Variants in RAE1 observed in about 807,000 individuals in gnomAD.
RAE1 encodes the protein ribonucleic acid export 1.
A neutral mutation model predicts 52.7 loss-of-function variants in RAE1; 13 were observed. The observed-to-expected ratio is 0.25, with a 90% CI of 0.16 to 0.39. The LOEUF is 0.39. Ranked by LOEUF, RAE1 falls within the 10% of genes least tolerant of loss-of-function variation. The pLI, the probability that RAE1 is intolerant of heterozygous loss-of-function variation, is 1.00. For synonymous variants in RAE1, 164 were observed against 153.1 expected (o/e 1.07, Z -0.52); for missense variants, 262 against 459.8 (o/e 0.57, Z 3.93).
intron 1 of RAE1, among the ~76,000 whole-genome samples, chr20:57,353,739 C>A (rs959108983): frequency 7.2e-5 from 11 of 152,180 alleles, no homozygotes; most frequent in African/African-American, 2.7e-4. Flanking sequence ...TGCAATGTAT[C>A]CATACTGGTT....
At chr20:57,366,966 G>A in intron 6 of RAE1, 42 bp from the exon 7 acceptor site, 1 of 1,584,158 alleles carries the variant, frequency 6.3e-7, no homozygotes, top group African/African-American at 1.3e-5. Flanking sequence ...TTCGACTTCT[G>A]CTCTGAATGG....
intron 10 of RAE1, among the ~76,000 whole-genome samples, chr20:57,374,025 T>C (rs2426709): frequency 0.6 from 91,386 of 151,924 alleles, 27,930 homozygotes; most frequent in East Asian, 0.77. Context: ...TCCCAAGTAG[T>C]TGGGACTACA....
intron 7 of RAE1, among the ~76,000 whole-genome samples, chr20:57,367,867 T>C (rs1431246251): frequency 6.6e-6 from 1 of 152,040 alleles, no homozygotes; most frequent in East Asian, 1.9e-4. Flanking sequence ...AAAATAATCA[T>C]AGATACAGAT....
At chr20:57,359,566 C>T (rs1243631630) in intron 4 of RAE1, 2 of 152,204 alleles carry the variant, frequency 1.3e-5, no homozygotes, top group South Asian at 2.1e-4. Flanking sequence ...TCTCTCTAGA[C>T]TAACAGTTAA....
intron 1 of RAE1, chr20:57,351,865 C>G: frequency 1.0e-6 from 1 of 985,428 alleles, no homozygotes; most frequent in Non-Finnish European, 1.2e-6. Flanking sequence ...CTTAGCCCGC[C>G]AAGTATTTAT....
In RAE1 at chr20:57,361,970, C is replaced by T. The variant is rs540768243; in HGVS notation, c.289-3386C>T. ...GCTCCGCCTCCTGTCAGATCAGCGG[C>T]GGCATTAGATTGTCACAGGAGCTCG... On this transcript the variant is annotated intron_variant, in intron 4 of 11. Transcript: ENST00000395841. Among the ~76,000 whole-genome samples, 14 of 152,336 alleles carry T rather than the reference C, an allele frequency of 9.2e-5. 1 individual carries two copies. The South Asian group carries it at 2.3e-3, about 25-fold the overall frequency.
In RAE1 at chr20:57,367,018, C is replaced by A; in HGVS notation, c.473C>A (p.Thr158Asn). The change falls in exon 7 of 12, where the codon ACT (threonine) becomes AAT (asparagine). Residue 158 changes from threonine (T) to asparagine (N), a missense_variant. Transcript: ENST00000395841. ...CTTTTTTGCTTTTAGTTTTGGGATA[C>A]TCGATCGTCAAATCCTATGATGGTT... is the stretch of plus-strand genomic sequence containing the variant. ...SWDKTLKFWD[T>N]RSSNPMMVLQ... 1 of 1,609,830 alleles carries A rather than the reference C, an allele frequency of 6.2e-7. No homozygotes were observed. The highest frequency in any genetic ancestry group is 8.5e-7 in the Non-Finnish European group (1 of 1,176,178).
chr20:57,371,211 C>T (rs907122052), intron 8 of RAE1: 2 of 152,158 alleles, frequency 1.3e-5, no homozygotes, highest in African/African-American at 4.8e-5. Context: ...CAAAAATGGC[C>T]AAGTGGAACT....
chr20:57,374,478 A>C, intron 10 of RAE1, 129 bp from the exon 11 acceptor site: 1 of 864,406 alleles, frequency 1.2e-6, no homozygotes, highest in South Asian at 1.6e-5. Flanking sequence ...TCTTGCTATC[A>C]GCGGGCAGCA....
At chr20:57,362,017 C>T (rs1188904276) in intron 4 of RAE1, among the ~76,000 whole-genome samples, 1 of 152,152 alleles carries the variant, frequency 6.6e-6, no homozygotes, top group East Asian at 1.9e-4. Flanking sequence ...GAAGTGCACA[C>T]GTGAGGGATC....
chr20:57,378,703 A>G lies in RAE1; in HGVS notation c.*604A>G, dbSNP rs1462069411. On this transcript the variant is annotated 3_prime_UTR_variant, in exon 12 of 12. Transcript: ENST00000395841. ...CTTGCTTCCCTCATTCCCATCTTCA[A>G]AATCCCCAGTGCTTTCTGGCCTTGC... 1 of 152,304 alleles carries G rather than the reference A, an allele frequency of 6.6e-6. No homozygotes were observed. Among genetic ancestry groups the G allele is most frequent in the Admixed American group, 6.5e-5 (1 of 15,290 alleles). 9.4% of individuals were successfully genotyped at this position (152,304 alleles called of 1,614,324 possible). A position where few individuals can be genotyped will look rare whatever the true frequency, so the allele number is the denominator to read the frequency against.
chr20:57,370,348 T>C (rs2067018204), intron 8 of RAE1, among the ~76,000 whole-genome samples: 2 of 152,240 alleles, frequency 1.3e-5, no homozygotes, highest in East Asian at 1.9e-4. Flanking sequence ...ACATTTCCCC[T>C]GGCTGCTGTC....
In RAE1 at chr20:57,378,212, C is replaced by A; in HGVS notation, c.*113C>A. The A allele has an allele frequency of 1.1e-6, 1 of 875,176 alleles. No homozygotes were observed. The highest frequency in any genetic ancestry group is 1.8e-5 in the South Asian group (1 of 55,160). The allele number at this position is 875,176 out of a possible 1,614,324, so 54.2% of individuals were successfully genotyped here. On this transcript the variant is annotated 3_prime_UTR_variant, in exon 12 of 12. Coordinates refer to ENST00000395841, the MANE Select transcript of RAE1 (RefSeq NM_003610.4). Reference sequence around the variant, plus strand: ...TCAGCCATGGACATGGATTTCAACCCCTGGAGAAAACGATGTCATTGTTCA... The same window carrying A: ...TCAGCCATGGACATGGATTTCAACCACTGGAGAAAACGATGTCATTGTTCA...
At chr20:57,364,482 C>G (rs912465690) in intron 4 of RAE1, among the ~76,000 whole-genome samples, 3 of 152,164 alleles carry the variant, frequency 2.0e-5, no homozygotes, top group African/African-American at 7.2e-5. Flanking sequence ...AGTTTTATCT[C>G]TTCTTTCAAA....
chr20:57,365,784 T>C (rs1343442040), intron 5 of RAE1, among the ~76,000 whole-genome samples: 3 of 152,220 alleles, frequency 2.0e-5, no homozygotes, highest in Admixed American at 6.5e-5. Flanking sequence ...GCTGGTCTTC[T>C]ACCAACTGCA....
At chr20:57,375,655 G>C (rs1280933086) in intron 11 of RAE1, among the ~76,000 whole-genome samples, 1 of 152,212 alleles carries the variant, frequency 6.6e-6, no homozygotes, top group African/African-American at 2.4e-5. Context: ...GCTATCGAGA[G>C]AGTGGTGTCA....
rs2146188224 is a variant in RAE1, at chr20:57,378,402, A to G, written c.*303A>G. ...CAGTGTACGTGTTAGAGAATATTGGAAAAGCGTCTGTGAGCCCCGTGCTGT... is the reference window on the plus strand; with the variant it reads ...CAGTGTACGTGTTAGAGAATATTGGGAAAGCGTCTGTGAGCCCCGTGCTGT... On this transcript the variant is annotated 3_prime_UTR_variant, in exon 12 of 12. Coordinates refer to ENST00000395841, the MANE Select transcript of RAE1 (RefSeq NM_003610.4). 3.2e-6 allele frequency: 1 copy of G among 316,766 alleles called. No homozygotes were observed. The highest frequency in any genetic ancestry group is 5.3e-5 in the East Asian group (1 of 18,838). 19.6% of individuals were successfully genotyped at this position (316,766 alleles called of 1,614,324 possible). A position where few individuals can be genotyped will look rare whatever the true frequency, so the allele number is the denominator to read the frequency against.
Position 57,378,603 on chromosome 20 carries a change from CA to C in RAE1, c.*505del, listed in dbSNP as rs1195978255. 3.5e-3 allele frequency: 543 copies of C among 153,336 alleles called. 2 individuals carry two copies. The highest frequency in any genetic ancestry group is 5.1e-3 in the Non-Finnish European group (353 of 68,794). 9.5% of individuals were successfully genotyped at this position (153,336 alleles called of 1,614,324 possible). A position where few individuals can be genotyped will look rare whatever the true frequency, so the allele number is the denominator to read the frequency against. On this transcript the variant is annotated 3_prime_UTR_variant, in exon 12 of 12. Coordinates refer to ENST00000395841, the MANE Select transcript of RAE1 (RefSeq NM_003610.4). ...GCAACCTTAGGGGAAAGGGAGTCCC[CA>C]GCTGCGCTCACTTCTGCTGCGCGGA... is the stretch of plus-strand genomic sequence containing the variant.
chr20:57,377,778 ACTCAC>A (rs879773929), intron 11 of RAE1, among the ~76,000 whole-genome samples: 6,083 of 152,254 alleles, frequency 0.04, 182 homozygotes, highest in African/African-American at 0.09. Context: ...ACAGGTTCCT[ACTCAC>A]AGACTCTCTC....
Sources: gnomAD v4.1 joint callset for allele counts (sites outside exome capture counted in the v4.1 genomes callset) on GRCh38, gnomAD v4.1.1 for gene constraint, MANE v1.5 for transcripts, NCBI Gene and HGNC (gene_info 2026-07-23, HGNC 2026-07-21) for gene names.